GABRB1: variants seen among roughly 807,000 people sequenced by gnomAD.
GABRB1 encodes gamma-aminobutyric acid receptor subunit beta-1.
Under a neutral mutation model 51.6 loss-of-function variants are expected in GABRB1, and 17 were observed. That is an observed-to-expected ratio of 0.33 (90% CI 0.23 to 0.49). GABRB1 has a LOEUF of 0.49. Among genes scored for constraint, GABRB1 ranks in the 20% least tolerant of loss-of-function variants. The pLI is 0.99. For missense variants in GABRB1, 410 were observed against 600.6 expected (o/e 0.68, Z 3.32); for synonymous variants, 247 against 218.9 (o/e 1.13, Z -1.14).
intron 5 of GABRB1, among the ~76,000 whole-genome samples, chr4:47,359,339 G>A (rs953330509): frequency 6.6e-6 from 1 of 152,102 alleles, no homozygotes; most frequent in African/African-American, 2.4e-5. Context: ...TAGAAAAGCT[G>A]CCTTAACTCT....
intron 4 of GABRB1, among the ~76,000 whole-genome samples, chr4:47,230,926 C>G (rs1292185310): frequency 6.6e-6 from 1 of 152,118 alleles, no homozygotes; most frequent in African/African-American, 2.4e-5. Flanking sequence ...TGCCTAATTC[C>G]ATGTAACAGG....
At chr4:47,197,784 CA>C in intron 4 of GABRB1, among the ~76,000 whole-genome samples, 1 of 152,250 alleles carries the variant, frequency 6.6e-6, no homozygotes, top group East Asian at 1.9e-4. Context: ...TTTGTTCATT[CA>C]TACTCTGTCA....
At chr4:47,400,921 CTTTTTTT>C (rs71195629) in intron 5 of GABRB1, among the ~76,000 whole-genome samples, 7 of 98,568 alleles carry the variant, frequency 7.1e-5, no homozygotes, top group Middle Eastern at 8.5e-3. Context: ...TTGTTCTTCT[CTTTTTTT>C]TTTTTTTTTT....
intron 4 of GABRB1, among the ~76,000 whole-genome samples, chr4:47,162,539 A>G (rs17599816): frequency 0.082 from 12,421 of 152,132 alleles, 712 homozygotes; most frequent in South Asian, 0.2. Flanking sequence ...AATTATTACC[A>G]GCATCTACCA....
chr4:47,094,594 A>G (rs1378385603), intron 3 of GABRB1, among the ~76,000 whole-genome samples: 1 of 152,060 alleles, frequency 6.6e-6, no homozygotes, highest in Non-Finnish European at 1.5e-5. Flanking sequence ...AACAACATGC[A>G]CTGGGGCCTA....
At chr4:47,356,198 C>T (rs1299729234) in intron 5 of GABRB1, among the ~76,000 whole-genome samples, 1 of 152,164 alleles carries the variant, frequency 6.6e-6, no homozygotes, top group African/African-American at 2.4e-5. Context: ...TTGTATTTCT[C>T]ATCGTTATAT....
In GABRB1 at chr4:47,118,190, A is replaced by G. The variant is rs897798331; in HGVS notation, c.241-43059A>G. On this transcript the variant is annotated intron_variant, in intron 3 of 8. Coordinates refer to ENST00000295454, the MANE Select transcript of GABRB1 (RefSeq NM_000812.4). ...TTAAAAACTATGTTAATAAGAATCA[A>G]GATGAGCTCATCTTCAATCATAGAG... 4.6e-5 allele frequency among the ~76,000 whole-genome samples: 7 copies of G among 152,360 alleles called. No individual in the cohort carries two copies. The East Asian group carries it at 1.3e-3, about 29-fold the overall frequency.
chr4:47,257,749 C>T (rs1336387068), intron 4 of GABRB1, among the ~76,000 whole-genome samples: 1 of 151,510 alleles, frequency 6.6e-6, no homozygotes, highest in Non-Finnish European at 1.5e-5. Context: ...CCAGTTCACC[C>T]TAATTAGGAA....
rs749876447 is a variant in GABRB1 at position 47,224,185 on chromosome 4, G to GTATTCCAAC, written c.461+62717_461+62718insATTCCAACT. ...TTTCTCAAGCTCCCTCTCAAGCTGT[G>GTATTCCAAC]TGTTCCAACTGCAAAGAACCCTTCC... On this transcript the variant is annotated intron_variant, in intron 4 of 8. Transcript: ENST00000295454. Among the ~76,000 whole-genome samples the GTATTCCAAC allele has an allele frequency of 7.7e-3, 1,168 of 152,144 alleles. 12 individuals are homozygous for GTATTCCAAC. The highest frequency in any genetic ancestry group is 9.4e-3 in the Non-Finnish European group (638 of 67,976).
chr4:47,046,026 T>C (rs944801980), intron 3 of GABRB1, among the ~76,000 whole-genome samples: 8 of 152,192 alleles, frequency 5.3e-5, no homozygotes, highest in African/African-American at 1.9e-4. Context: ...GTTTCCTCCA[T>C]GCTGTTTGCA....
rs748329145 is a variant in GABRB1 at position 47,031,744 on chromosome 4, T to C, written c.80+13T>C. 2.5e-6 allele frequency: 4 copies of C among 1,595,720 alleles called. No homozygotes were observed. In the African/African-American group the frequency reaches 5.7e-5, roughly 23 times the overall value. On this transcript the variant is annotated intron_variant, in intron 1 of 8. Transcript: ENST00000295454. ...GTTGTGCACACAGGTGAGCTGCTGT[T>C]GTTGAATCTCGCTCTCTCTCTCTCT... is the stretch of plus-strand genomic sequence containing the variant.
At chr4:47,034,799 C>T (rs1208909931) in intron 3 of GABRB1, among the ~76,000 whole-genome samples, 2 of 151,990 alleles carry the variant, frequency 1.3e-5, no homozygotes, top group Non-Finnish European at 2.9e-5. Context: ...GATGGTTAGC[C>T]CGCACCCCCA....
intron 5 of GABRB1, among the ~76,000 whole-genome samples, chr4:47,385,267 A>G (rs1188526912): frequency 6.6e-6 from 1 of 152,238 alleles, no homozygotes; most frequent in Non-Finnish European, 1.5e-5. Context: ...GATTTCTCAC[A>G]AACTTTGCAA....
At chr4:47,017,168 C>G (rs945831422) in intron 1 of GABRB1, among the ~76,000 whole-genome samples, 1 of 152,114 alleles carries the variant, frequency 6.6e-6, no homozygotes, top group Admixed American at 6.5e-5. Flanking sequence ...CGGCCTTCTC[C>G]ATGTTTTATA....
chr4:47,194,029 T>C (rs963908712), intron 4 of GABRB1, among the ~76,000 whole-genome samples: 2 of 152,212 alleles, frequency 1.3e-5, no homozygotes, highest in African/African-American at 4.8e-5. Context: ...AGTATTAAAC[T>C]ATACCCTGCT....
chr4:47,196,884 T>G (rs1719704402), intron 4 of GABRB1, among the ~76,000 whole-genome samples: 1 of 152,250 alleles, frequency 6.6e-6, no homozygotes. Context: ...GTCCTTTACT[T>G]TCTTGTCTGT....
At chr4:47,379,428 T>G (rs927399426) in intron 5 of GABRB1, among the ~76,000 whole-genome samples, 1 of 152,204 alleles carries the variant, frequency 6.6e-6, no homozygotes, top group Non-Finnish European at 1.5e-5. Flanking sequence ...TAAAATAGGC[T>G]TTTTGTTAAA....
intron 7 of GABRB1, 87 bp from the exon 8 acceptor site, chr4:47,406,595 A>G: frequency 2.0e-6 from 3 of 1,522,318 alleles, no homozygotes; most frequent in Non-Finnish European, 2.7e-6. Context: ...CCAATAAGGA[A>G]GTGGCAAATG....
chr4:47,397,325 C>G (rs1479493732), intron 5 of GABRB1, among the ~76,000 whole-genome samples: 1 of 152,126 alleles, frequency 6.6e-6, no homozygotes, highest in Non-Finnish European at 1.5e-5. Context: ...AATAGGGGTC[C>G]AAACTGCTGT....
Sources: allele counts gnomAD v4.1 joint callset (sites outside exome capture counted in the v4.1 genomes callset), GRCh38; gene constraint gnomAD v4.1.1; transcripts MANE v1.5; gene names NCBI Gene and HGNC (gene_info 2026-07-23, HGNC 2026-07-21).